GNAQ: variants seen among roughly 807,000 people sequenced by gnomAD.
GNAQ encodes the protein G protein subunit alpha q, also known as guanine nucleotide-binding protein G(q) subunit alpha.
In GNAQ, 8 loss-of-function variants were observed where a neutral mutation model predicts 43.9. The ratio of observed to expected loss-of-function variants is 0.18; its 90% CI spans 0.11 to 0.33. The LOEUF is 0.33. Among genes scored for constraint, GNAQ ranks in the 10% least tolerant of loss-of-function variants. The probability of loss-of-function intolerance (pLI) is 1.00; values close to 1 mark genes in which losing one functional copy is unlikely to be tolerated. For synonymous variants in GNAQ, 155 were observed against 170.7 expected, an observed-to-expected ratio of 0.91 and a Z score of 0.71; for missense variants, 158 against 450.8, an observed-to-expected ratio of 0.35 and a Z score of 5.88.
intron 1 of GNAQ, among the ~76,000 whole-genome samples, chr9:78,021,819 A>G (rs1823912951): frequency 6.6e-6 from 1 of 152,272 alleles, no homozygotes; most frequent in Admixed American, 6.5e-5. Context: ...ACAAACAAAA[A>G]GAAGTAGTAA....
intron 1 of GNAQ, among the ~76,000 whole-genome samples, chr9:78,013,775 C>T (rs951442674): frequency 5.3e-5 from 8 of 152,026 alleles, no homozygotes; most frequent in Admixed American, 4.6e-4. Flanking sequence ...TGCCAGAATG[C>T]CAAATCCTGC....
Position 77,716,946 on chromosome 9 carries a change from G to A in GNAQ, c.*4377C>T. 4.3e-6 allele frequency: 1 copy of A among 232,684 alleles called. No homozygotes were observed. 14.4% of individuals were successfully genotyped at this position (232,684 alleles called of 1,614,324 possible). A position where few individuals can be genotyped will look rare whatever the true frequency, so the allele number is the denominator to read the frequency against. ...ATCATTGGGAAGACAGCAGGAAATG[G>A]CTATTCTGTGAGAAAAACAAATGAC... On this transcript the variant is annotated 3_prime_UTR_variant, in exon 7 of 7. Coordinates refer to ENST00000286548, the MANE Select transcript of GNAQ (RefSeq NM_002072.5).
intron 5 of GNAQ, among the ~76,000 whole-genome samples, chr9:77,769,585 G>C (rs919712059): frequency 2.6e-5 from 4 of 151,912 alleles, no homozygotes; most frequent in African/African-American, 9.7e-5. Flanking sequence ...TATGCTACTC[G>C]GTTGAAAAGA....
At chr9:77,903,260 G>A (rs1421851992) in intron 2 of GNAQ, among the ~76,000 whole-genome samples, 1 of 152,114 alleles carries the variant, frequency 6.6e-6, no homozygotes, top group African/African-American at 2.4e-5. Context: ...AGGCTGCAAG[G>A]ATGGACCTGA....
At chr9:77,761,787 T>C (rs571019056) in intron 5 of GNAQ, among the ~76,000 whole-genome samples, 6 of 53,280 alleles carry the variant, frequency 1.1e-4, no homozygotes, top group Admixed American at 1.7e-4. Context: ...TCTGCCCAGC[T>C]GCCCCTACTG....
intron 6 of GNAQ, among the ~76,000 whole-genome samples, chr9:77,726,431 C>G (rs1825397388): frequency 6.6e-6 from 1 of 152,200 alleles, no homozygotes; most frequent in African/African-American, 2.4e-5. Flanking sequence ...AACTTCAATT[C>G]ATTTAACATG....
At chr9:77,887,279 T>A (rs1828324416) in intron 2 of GNAQ, among the ~76,000 whole-genome samples, 1 of 152,212 alleles carries the variant, frequency 6.6e-6, no homozygotes, top group South Asian at 2.1e-4. Context: ...GGCAGATACA[T>A]TCAATGTTAC....
At chr9:77,858,039 G>A (rs1028338865) in intron 2 of GNAQ, among the ~76,000 whole-genome samples, 1 of 152,108 alleles carries the variant, frequency 6.6e-6, no homozygotes, top group African/African-American at 2.4e-5. Context: ...CAAGTACCAA[G>A]TAGGAAAGTT....
intron 1 of GNAQ, among the ~76,000 whole-genome samples, chr9:77,940,940 G>T (rs927570584): frequency 6.6e-6 from 1 of 151,402 alleles, no homozygotes; most frequent in African/African-American, 2.4e-5. Context: ...CTCCAGCCTG[G>T]GCGACAGAGC....
chr9:77,841,228 A>G (rs981967834), intron 2 of GNAQ, among the ~76,000 whole-genome samples: 4 of 152,246 alleles, frequency 2.6e-5, no homozygotes, highest in Non-Finnish European at 4.4e-5. Flanking sequence ...CTCCGAATGT[A>G]TAACACATAT....
At chr9:77,819,002 CAAAAAAAAAAAAA>C (rs10547681) in intron 2 of GNAQ, among the ~76,000 whole-genome samples, 3 of 45,286 alleles carry the variant, frequency 6.6e-5, no homozygotes, top group African/African-American at 3.2e-4. Flanking sequence ...ACCATCTCTC[CAAAAAAAAAAAAA>C]AAAAAAAAAA....
At chr9:77,798,884 G>A (rs749869283) in intron 3 of GNAQ, among the ~76,000 whole-genome samples, 2 of 152,066 alleles carry the variant, frequency 1.3e-5, no homozygotes, top group Non-Finnish European at 2.9e-5. Context: ...TTATGGGGGG[G>A]TATCTAGTTC....
rs1413250882 is a variant in GNAQ at position 77,983,951 on chromosome 9, A to C, written c.136+47149T>G. ...CTCAGAACTGAGGGATACAGAAATA[A>C]AAGATCTAACACGTTGTGCTTTTAT... On this transcript the variant is annotated intron_variant, in intron 1 of 6. Coordinates refer to ENST00000286548, the MANE Select transcript of GNAQ (RefSeq NM_002072.5). Among the ~76,000 whole-genome samples the C allele has an allele frequency of 4.6e-5, 7 of 151,296 alleles. No individual in the cohort carries two copies. The Admixed American group carries it at 4.6e-4, about 10-fold the overall frequency.
At chr9:77,842,906 C>T (rs1164919273) in intron 2 of GNAQ, among the ~76,000 whole-genome samples, 2 of 152,120 alleles carry the variant, frequency 1.3e-5, no homozygotes, top group African/African-American at 2.4e-5. Context: ...ATCCACAGTC[C>T]CTCAATCCCA....
chr9:77,982,883 C>G (rs1440037001), intron 1 of GNAQ, among the ~76,000 whole-genome samples: 1 of 151,966 alleles, frequency 6.6e-6, no homozygotes, highest in Non-Finnish European at 1.5e-5. Flanking sequence ...ACCAACATGG[C>G]ACATGTATAC....
chr9:77,906,742 A>G (rs938776777), intron 2 of GNAQ, among the ~76,000 whole-genome samples: 12 of 152,372 alleles, frequency 7.9e-5, no homozygotes, highest in Admixed American at 3.9e-4. Flanking sequence ...AAATATTAAC[A>G]TACTTTGCTG....
chr9:77,759,894 T>TTTTTC (rs1554713696), intron 5 of GNAQ, among the ~76,000 whole-genome samples: 1 of 147,120 alleles, frequency 6.8e-6, no homozygotes, highest in Non-Finnish European at 1.5e-5. Flanking sequence ...CTCTCTCTTT[T>TTTTTC]TTTCTTTCTT....
chr9:77,892,993 C>T (rs1280978506), intron 2 of GNAQ, among the ~76,000 whole-genome samples: 1 of 152,016 alleles, frequency 6.6e-6, no homozygotes, highest in Non-Finnish European at 1.5e-5. Context: ...TTTATTGTTC[C>T]ATCCATTACT....
chr9:78,011,053 A>G (rs1823766977), intron 1 of GNAQ, among the ~76,000 whole-genome samples: 1 of 152,106 alleles, frequency 6.6e-6, no homozygotes, highest in African/African-American at 2.4e-5. Flanking sequence ...AGAGAAAAAG[A>G]CCCTATAGAT....
Sources: allele counts gnomAD v4.1 joint callset (sites outside exome capture counted in the v4.1 genomes callset), GRCh38; gene constraint gnomAD v4.1.1; transcripts MANE v1.5; gene names NCBI Gene and HGNC (gene_info 2026-07-23, HGNC 2026-07-21).